SPNS2: variants seen among roughly 807,000 people sequenced by gnomAD.
SPNS2 encodes the protein sphingosine-1-phosphate transporter SPNS2.
In SPNS2, 37 loss-of-function variants were observed where a neutral mutation model predicts 57.6. The observed-to-expected ratio is 0.64, with a 90% CI of 0.49 to 0.85. The LOEUF is 0.85. Among genes scored for constraint, SPNS2 ranks in the 40% least tolerant of loss-of-function variants. SPNS2 has a pLI of 0.00. For missense variants in SPNS2, 831 were observed against 779.1 expected, an observed-to-expected ratio of 1.07 and a Z score of -0.79; for synonymous variants, 440 against 346.9, an observed-to-expected ratio of 1.27 and a Z score of -2.98.
At chr17:4,501,352 C>T (rs1597356895) in intron 1 of SPNS2, among the ~76,000 whole-genome samples, 2 of 152,284 alleles carry the variant, frequency 1.3e-5, no homozygotes, top group Non-Finnish European at 1.5e-5. Context: ...AGGGCTGGCA[C>T]TTATCTGCTC....
chr17:4,505,364 C>G (rs527509464), intron 1 of SPNS2, among the ~76,000 whole-genome samples: 33 of 152,334 alleles, frequency 2.2e-4, no homozygotes, highest in African/African-American at 7.7e-4. Flanking sequence ...GGCCAGGCCC[C>G]TGTGCTGACA....
At chr17:4,536,857 C>A (rs762079333) in intron 11 of SPNS2, 43 bp from the exon 12 acceptor site, 1 of 1,564,184 alleles carries the variant, frequency 6.4e-7, no homozygotes, top group Non-Finnish European at 8.8e-7. Context: ...GGGCCCGGCC[C>A]CCGCTGATGC....
At chr17:4,523,650 G>C (rs4790640) in intron 2 of SPNS2, among the ~76,000 whole-genome samples, 48,058 of 151,966 alleles carry the variant, frequency 0.32, 8,119 homozygotes, top group East Asian at 0.56. Flanking sequence ...TGCCTGTAAT[G>C]CCAGCTACTC....
intron 4 of SPNS2, 111 bp from the exon 5 acceptor site, chr17:4,530,942 T>C (rs1905439336): frequency 1.4e-6 from 2 of 1,437,788 alleles, no homozygotes; most frequent in Non-Finnish European, 9.5e-7. Flanking sequence ...ACCTGCTCCC[T>C]GGCCAGCTGG....
chr17:4,536,128 C>A lies in SPNS2; in HGVS notation c.1397C>A (p.Thr466Asn), dbSNP rs749095864. Residue 466 changes from threonine to asparagine, a missense_variant, in exon 10 of 13, where the codon ACC becomes AAC. Thr to Asn is a moderately conservative substitution (Grantham distance 65, BLOSUM62 0). Transcript: ENST00000329078. The stretch of plus-strand genomic sequence containing the variant: ...ACTGCCGTGGCCTTGCAGAGCTTCA[C>A]CTCCCACCTGCTGGGGGACGCCGGG... ...RATAVALQSF[T>N]SHLLGDAGSP... is the part of the protein sequence containing the mutation. 5 of 1,612,738 alleles carry A rather than the reference C, an allele frequency of 3.1e-6. No homozygotes were observed. Among genetic ancestry groups the A allele is most frequent in the Non-Finnish European group, 3.4e-6 (4 of 1,179,856 alleles).
In SPNS2 at chr17:4,502,596, C is replaced by A. The variant is rs575188727; in HGVS notation, c.370+3179C>A. Among the ~76,000 whole-genome samples, 21 of 152,272 alleles carry A rather than the reference C, an allele frequency of 1.4e-4. No individual in the cohort carries two copies. The South Asian group carries it at 3.5e-3, about 26-fold the overall frequency. Reference sequence around the variant, plus strand: ...AGCCAAGGCTCTTCAGCTTCCCAGCCGTGTGACCTTGAAGACATCACCTGA... The same window carrying A: ...AGCCAAGGCTCTTCAGCTTCCCAGCAGTGTGACCTTGAAGACATCACCTGA... On this transcript the variant is annotated intron_variant, in intron 1 of 12. Transcript: ENST00000329078.
intron 5 of SPNS2, among the ~76,000 whole-genome samples, chr17:4,532,068 C>A (rs151170854): frequency 6.6e-6 from 1 of 152,176 alleles, no homozygotes; most frequent in Middle Eastern, 3.2e-3. Flanking sequence ...AGTCATCATC[C>A]CATCTGGCTA....
At chr17:4,536,632 C>G in intron 11 of SPNS2, 3 of 710,230 alleles carry the variant, frequency 4.2e-6, no homozygotes, top group Non-Finnish European at 6.9e-6. Context: ...TCTGGTGGAT[C>G]CAGACTTGGG....
At position 4,536,320 on chromosome 17, in the gene SPNS2, C is replaced by A; in HGVS notation, c.1501C>A (p.Leu501Met). The change falls in exon 11 of 13, where the codon CTG becomes ATG. Residue 501 changes from leucine (L) to methionine (M), a missense_variant. Coordinates refer to ENST00000329078, the MANE Select transcript of SPNS2 (RefSeq NM_001124758.3). ...CTCCCCGCTCTGGGAGTTCCTGAGC[C>A]TGGGCTACGCGCTCATGCTCTGCCC... ...KDSPLWEFLS[L>M]GYALMLCPFV... 1 of 1,612,392 alleles carries A rather than the reference C, an allele frequency of 6.2e-7. No individual in the cohort carries two copies. The highest frequency in any genetic ancestry group is 2.2e-5 in the East Asian group (1 of 44,882).
chr17:4,533,127 C>T lies in SPNS2; in HGVS notation c.1086C>T (p.Asp362=), dbSNP rs1285647491. 1 of 1,607,986 alleles carries T rather than the reference C, an allele frequency of 6.2e-7. No homozygotes were observed. The highest frequency in any genetic ancestry group is 8.5e-7 in the Non-Finnish European group (1 of 1,177,016). ...ACAGCCCGCCCTGTGGGGCCAAGGA[C>T]AGGTGGGGCCCCGCGGGGTGGGCCC... ...TCNSPPCGAK[D]SLIFGAITCF... The change falls in exon 7 of 13, where the codon GAC becomes GAT. Residue 362 remains aspartate (D), a splice_region_variant and synonymous_variant. Coordinates refer to ENST00000329078, the MANE Select transcript of SPNS2 (RefSeq NM_001124758.3).
chr17:4,536,627 TG>T, intron 11 of SPNS2: 1 of 720,834 alleles, frequency 1.4e-6, no homozygotes, highest in Non-Finnish European at 2.2e-6. Flanking sequence ...GGGTGTCTGG[TG>T]GATCCAGACT....
intron 3 of SPNS2, among the ~76,000 whole-genome samples, chr17:4,528,539 T>C (rs1469190516): frequency 6.6e-6 from 1 of 151,970 alleles, no homozygotes; most frequent in Admixed American, 6.6e-5. Flanking sequence ...CTCGGCTCAC[T>C]GCAACCTCTG....
Position 4,538,087 on chromosome 17 carries a change from T to G in SPNS2, c.*639T>G. On this transcript the variant is annotated 3_prime_UTR_variant, in exon 13 of 13. Transcript: ENST00000329078. ...CACTGTCTCACTGTCTCGGGTTGGC[T>G]CCCAGCCTGGAGGTCCCAGATGGGG... 3.0e-6 allele frequency: 1 copy of G among 332,654 alleles called. No individual in the cohort carries two copies. The allele number at this position is 332,654 out of a possible 1,614,324, so 20.6% of individuals were successfully genotyped here.
rs780134192 is a variant in SPNS2, at chr17:4,536,923, C to A, written c.1631C>A (p.Pro544His). ...AGGGTGAACCAGCTGGCGATGCCGCCCGCATCTGTGAAAGTCTGAGGTGGT... is the reference window on the plus strand; with the variant it reads ...AGGGTGAACCAGCTGGCGATGCCGCACGCATCTGTGAAAGTCTGAGGTGGT... ...EQQVNQLAMP[P>H]ASVKV is the part of the protein sequence containing the mutation. Residue 544 changes from proline to histidine, a missense_variant, in exon 12 of 13, where the codon CCC (proline) becomes CAC (histidine). Pro to His is a moderately conservative substitution (Grantham distance 77). Coordinates refer to ENST00000329078, the MANE Select transcript of SPNS2 (RefSeq NM_001124758.3). The A allele has an allele frequency of 4.3e-6, 7 of 1,613,762 alleles. No homozygotes were observed. Among genetic ancestry groups the A allele is most frequent in the Non-Finnish European group, 5.9e-6 (7 of 1,179,880 alleles).
Position 4,513,280 on chromosome 17 carries a change from T to G in SPNS2, c.404T>G (p.Val135Gly). The change falls in exon 2 of 13, where the codon GTC (valine) becomes GGC (glycine). Residue 135 changes from valine (V) to glycine (G), a missense_variant. Physicochemically the swap from Val to Gly is moderately radical, Grantham distance 109. Coordinates refer to ENST00000329078, the MANE Select transcript of SPNS2 (RefSeq NM_001124758.3). ...CTGGACATCCAGCAGCACTTTGGGG[T>G]CAAGGACCGAGGCGCCGGCCTGCTG... ...VLLDIQQHFG[V>G]KDRGAGLLQS... The G allele has an allele frequency of 6.2e-7, 1 of 1,613,922 alleles. No individual in the cohort carries two copies. The highest frequency in any genetic ancestry group is 1.7e-4 in the Middle Eastern group (1 of 6,060).
At chr17:4,501,755 T>G (rs967089778) in intron 1 of SPNS2, among the ~76,000 whole-genome samples, 1 of 152,196 alleles carries the variant, frequency 6.6e-6, no homozygotes, top group Non-Finnish European at 1.5e-5. Context: ...CAGGCCTGAG[T>G]GCACCTGTTG....
intron 3 of SPNS2, among the ~76,000 whole-genome samples, chr17:4,526,448 C>A (rs1905264039): frequency 6.6e-6 from 1 of 152,148 alleles, no homozygotes; most frequent in African/African-American, 2.4e-5. Context: ...ACTAAAAATA[C>A]AAAAATTAGC....
intron 2 of SPNS2, among the ~76,000 whole-genome samples, chr17:4,519,008 G>A (rs1455261427): frequency 6.6e-6 from 1 of 152,204 alleles, no homozygotes; most frequent in Admixed American, 6.5e-5. Flanking sequence ...GCTTTCAGGC[G>A]CTGATGGGGC....
intron 1 of SPNS2, 100 bp from the exon 2 acceptor site, chr17:4,513,146 TG>T: frequency 7.5e-7 from 1 of 1,326,296 alleles, no homozygotes; most frequent in Non-Finnish European, 1.1e-6. Flanking sequence ...GCCGCAGATA[TG>T]GCCAGGCTGG....
Sources: allele counts gnomAD v4.1 joint callset (sites outside exome capture counted in the v4.1 genomes callset), GRCh38; gene constraint gnomAD v4.1.1; transcripts MANE v1.5; gene names NCBI Gene and HGNC (gene_info 2026-07-23, HGNC 2026-07-21).